The following RPA1 variants were observed in gnomAD, a reference collection of about 807,000 sequenced individuals.
The protein encoded by RPA1 is replication protein A 70 kDa DNA-binding subunit.
Under a neutral mutation model 83.0 loss-of-function variants are expected in RPA1, and 49 were observed. The observed-to-expected ratio is 0.59, with a 90% CI of 0.47 to 0.75. The LOEUF (loss-of-function observed/expected upper bound fraction) is 0.75, where lower values mean the gene tolerates loss of function less well. Among genes scored for constraint, RPA1 ranks in the 30% least tolerant of loss-of-function variants. The pLI is 0.00. For synonymous variants in RPA1, 279 were observed against 281.8 expected, an observed-to-expected ratio of 0.99 and a Z score of 0.10; for missense variants, 693 against 776.1, an observed-to-expected ratio of 0.89 and a Z score of 1.27.
At chr17:1,856,920 T>C (rs1316098475) in intron 5 of RPA1, among the ~76,000 whole-genome samples, 1 of 151,940 alleles carries the variant, frequency 6.6e-6, no homozygotes, top group Non-Finnish European at 1.5e-5. Context: ...CAACTTTTGG[T>C]TTTATTGATT....
chr17:1,858,812 C>G (rs1912822937), intron 5 of RPA1, among the ~76,000 whole-genome samples: 1 of 151,942 alleles, frequency 6.6e-6, no homozygotes. Context: ...TAATTTAATT[C>G]TAGTATGATC....
chr17:1,867,827 G>A (rs1327813749), intron 5 of RPA1, among the ~76,000 whole-genome samples: 3 of 151,228 alleles, frequency 2.0e-5, no homozygotes, highest in Admixed American at 1.3e-4. Context: ...ACCTGTAATC[G>A]CAGCACTTTG....
At position 1,898,179 on chromosome 17, in the gene RPA1, A is replaced by G. The variant is rs1247649075; in HGVS notation, c.*1004A>G. On this transcript the variant is annotated 3_prime_UTR_variant, in exon 17 of 17. Coordinates refer to ENST00000254719, the MANE Select transcript of RPA1 (RefSeq NM_002945.5). ...ATGTTAACTCATTATAAACCCGAAG[A>G]TTAGTCCAAGGCATGGAGATCCTTC... The G allele has an allele frequency of 6.6e-6, 1 of 152,230 alleles. No homozygotes were observed. The highest frequency in any genetic ancestry group is 1.9e-4 in the East Asian group (1 of 5,200). The allele number at this position is 152,230 out of a possible 1,614,324, so 9.4% of individuals were successfully genotyped here.
chr17:1,857,989 T>A, intron 5 of RPA1: 13 of 1,594,218 alleles, frequency 8.2e-6, no homozygotes, highest in Non-Finnish European at 1.1e-5. Context: ...AACAGAAAGA[T>A]GGGTGAATGT....
rs1555584763 is a variant in RPA1 at position 1,836,110 on chromosome 17, T to TTTTA, written c.33+6004_33+6007dup. ...GCTTACGTATAGTAAATTGCACCTTTTTTATTTATTTATTTATTTATTTGA... is the reference window on the plus strand; with the variant it reads ...GCTTACGTATAGTAAATTGCACCTTTTTTATTTATTTATTTATTTATTTATTTGA... On this transcript the variant is annotated intron_variant, in intron 1 of 16. Coordinates refer to ENST00000254719, the MANE Select transcript of RPA1 (RefSeq NM_002945.5). Among the ~76,000 whole-genome samples the TTTTA allele has an allele frequency of 9.7e-3, 1,475 of 151,858 alleles. 25 individuals are homozygous for TTTTA. Among genetic ancestry groups the TTTTA allele is most frequent in the African/African-American group, 0.034 (1,396 of 41,404 alleles).
At chr17:1,885,628 T>A (rs1913961033) in intron 13 of RPA1, among the ~76,000 whole-genome samples, 1 of 152,160 alleles carries the variant, frequency 6.6e-6, no homozygotes, top group Middle Eastern at 3.2e-3. Context: ...TTGTAGAGAC[T>A]GAGTTGTGTC....
chr17:1,841,372 C>T (rs1597419973), intron 1 of RPA1, among the ~76,000 whole-genome samples: 1 of 152,146 alleles, frequency 6.6e-6, no homozygotes, highest in South Asian at 2.1e-4. Flanking sequence ...GGTGCGATCT[C>T]AGCTCCCTGC....
intron 5 of RPA1, among the ~76,000 whole-genome samples, chr17:1,866,431 C>T (rs1240626271): frequency 1.3e-5 from 2 of 152,096 alleles, no homozygotes; most frequent in Non-Finnish European, 2.9e-5. Flanking sequence ...TCTCCTGTCT[C>T]AGCTTGCCTA....
rs781270236 is a variant in RPA1 at position 1,883,978 on chromosome 17, C to CTG, written c.1374+36_1374+37dup. ...CATTCCTAACCACCTTCACAAAGGG[C>CTG]TGTAAAGTGTGCAGAAGGATGGATT... On this transcript the variant is annotated intron_variant, in intron 13 of 16. Transcript: ENST00000254719. The CTG allele has an allele frequency of 6.2e-6, 10 of 1,612,060 alleles. No homozygotes were observed. The African/African-American group carries it at 1.1e-4, about 17-fold the overall frequency.
At chr17:1,861,721 T>G (rs1393294545) in intron 5 of RPA1, among the ~76,000 whole-genome samples, 1 of 151,634 alleles carries the variant, frequency 6.6e-6, no homozygotes, top group Non-Finnish European at 1.5e-5. Context: ...AATGTGGTGC[T>G]CTCTCTTTTT....
chr17:1,894,558 G>A (rs1045643405), intron 15 of RPA1, among the ~76,000 whole-genome samples: 2 of 152,166 alleles, frequency 1.3e-5, no homozygotes, highest in Non-Finnish European at 2.9e-5. Context: ...CCATTTTTAC[G>A]TGTACAGTTT....
At chr17:1,868,262 G>A (rs34087748) in intron 5 of RPA1, among the ~76,000 whole-genome samples, 29,409 of 152,094 alleles carry the variant, frequency 0.19, 3,160 homozygotes, top group East Asian at 0.41. Context: ...GAGCCAGTGC[G>A]GAAATAGCTT....
intron 5 of RPA1, among the ~76,000 whole-genome samples, chr17:1,857,304 C>G (rs569859435): frequency 1.2e-4 from 16 of 130,944 alleles, no homozygotes; most frequent in African/African-American, 4.4e-4. Context: ...GTATTTAATT[C>G]AGTTTCAGAA....
At chr17:1,835,917 AAG>A (rs35264842) in intron 1 of RPA1, among the ~76,000 whole-genome samples, 1,781 of 152,160 alleles carry the variant, frequency 0.012, 14 homozygotes, top group Middle Eastern at 0.02. Context: ...GAGGCCAAGA[AAG>A]AGTTTGATAC....
intron 6 of RPA1, among the ~76,000 whole-genome samples, chr17:1,875,372 C>T (rs1276761890): frequency 6.6e-6 from 1 of 152,172 alleles, no homozygotes; most frequent in Non-Finnish European, 1.5e-5. Context: ...TCAGAAACAG[C>T]AGTGTCTGGA....
At chr17:1,832,490 A>C (rs1374025926) in intron 1 of RPA1, among the ~76,000 whole-genome samples, 2 of 151,530 alleles carry the variant, frequency 1.3e-5, no homozygotes, top group Non-Finnish European at 2.9e-5. Context: ...GGGTTCAAGC[A>C]ATTCTCCTCC....
intron 6 of RPA1, among the ~76,000 whole-genome samples, chr17:1,874,012 A>AAAAAAAAATATATATATATAT (rs1555592994): frequency 1.1e-5 from 1 of 93,864 alleles, no homozygotes; most frequent in African/African-American, 5.1e-5. Flanking sequence ...AAAAAAAAAA[A>AAAAAAAAATATATATATATAT]ATATATATAT....
At chr17:1,832,060 C>G (rs549622598) in intron 1 of RPA1, among the ~76,000 whole-genome samples, 2 of 151,996 alleles carry the variant, frequency 1.3e-5, no homozygotes, top group African/African-American at 4.8e-5. Flanking sequence ...TCCAGAGTAG[C>G]TGGGATTACA....
rs1287190271 is a variant in RPA1, at chr17:1,899,215, G to A, written c.*2040G>A. 3 of 153,134 alleles carry A rather than the reference G, an allele frequency of 2.0e-5. No individual in the cohort carries two copies. Among genetic ancestry groups the A allele is most frequent in the East Asian group, 3.9e-4 (2 of 5,186 alleles). 9.5% of individuals were successfully genotyped at this position (153,134 alleles called of 1,614,324 possible). On this transcript the variant is annotated 3_prime_UTR_variant, in exon 17 of 17. Transcript: ENST00000254719. ...CAAAGATCAGATCACCAGCAGAGGAGCATCAGAAACTGGCTCCACTGTTGG... is the reference window on the plus strand; with the variant it reads ...CAAAGATCAGATCACCAGCAGAGGAACATCAGAAACTGGCTCCACTGTTGG...
Sources: gnomAD v4.1 joint callset for allele counts (sites outside exome capture counted in the v4.1 genomes callset) on GRCh38, gnomAD v4.1.1 for gene constraint, MANE v1.5 for transcripts, NCBI Gene and HGNC (gene_info 2026-07-23, HGNC 2026-07-21) for gene names.